Variants in GRID2 observed in about 807,000 individuals in gnomAD.
GRID2 encodes the protein glutamate receptor ionotropic, delta-2.
Under a neutral mutation model 114.8 loss-of-function variants are expected in GRID2, and 33 were observed. That is an observed-to-expected ratio of 0.29 (90% confidence interval 0.22 to 0.38). GRID2 has a LOEUF of 0.38. GRID2 is among the 10% of genes least tolerant of loss of function. GRID2 has a pLI of 1.00. For synonymous variants in GRID2, 505 were observed against 449.9 expected (o/e 1.12, Z -1.55); for missense variants, 1,184 against 1,257.7 (o/e 0.94, Z 0.89).
chr4:93,163,576 T>A (rs2149411622), intron 4 of GRID2, among the ~76,000 whole-genome samples: 1 of 150,000 alleles, frequency 6.7e-6, no homozygotes, highest in South Asian at 2.1e-4. Flanking sequence ...TTTTTTTTTT[T>A]AATAACAAGA....
chr4:93,276,092 A>G (rs892546622), intron 8 of GRID2, among the ~76,000 whole-genome samples: 2 of 151,938 alleles, frequency 1.3e-5, no homozygotes, highest in African/African-American at 4.8e-5. Context: ...TAGCTCTTAC[A>G]TTTAGGTCTA....
In GRID2 at chr4:92,586,839, GAC is replaced by G. The variant is rs551012115; in HGVS notation, c.89-3290_89-3289del. 3.2e-4 allele frequency among the ~76,000 whole-genome samples: 48 copies of G among 151,956 alleles called. No homozygotes were observed. In the South Asian group the frequency reaches 9.6e-3, roughly 30 times the overall value. On this transcript the variant is annotated intron_variant, in intron 1 of 15. Transcript: ENST00000282020. Reference sequence around the variant, plus strand: ...TTAATATTTTTCTAAGATATAAGAAGACATGTAAACATGATATAGTTTTCATT... The same window carrying G: ...TTAATATTTTTCTAAGATATAAGAAGATGTAAACATGATATAGTTTTCATT...
At chr4:93,730,162 A>T (rs557587515) in intron 14 of GRID2, among the ~76,000 whole-genome samples, 1 of 152,332 alleles carries the variant, frequency 6.6e-6, no homozygotes, top group African/African-American at 2.4e-5. Flanking sequence ...GGCAATAAAG[A>T]TTGAAGAGTC....
intron 14 of GRID2, among the ~76,000 whole-genome samples, chr4:93,716,940 G>C (rs1371426209): frequency 6.6e-6 from 1 of 151,970 alleles, no homozygotes; most frequent in Admixed American, 6.6e-5. Context: ...GGTCAAAATA[G>C]AGCTGGAATT....
At chr4:92,672,803 T>G (rs1733140808) in intron 2 of GRID2, among the ~76,000 whole-genome samples, 1 of 152,142 alleles carries the variant, frequency 6.6e-6, no homozygotes, top group African/African-American at 2.4e-5. Context: ...CCTTAAATAT[T>G]TATTGTTTCT....
intron 8 of GRID2, among the ~76,000 whole-genome samples, chr4:93,392,462 A>G (rs932708665): frequency 6.6e-5 from 10 of 152,150 alleles, no homozygotes; most frequent in Non-Finnish European, 1.3e-4. Flanking sequence ...TACAAATTCA[A>G]TTTGAATCTA....
intron 8 of GRID2, among the ~76,000 whole-genome samples, chr4:93,257,870 G>A (rs777429332): frequency 4.0e-5 from 6 of 150,566 alleles, no homozygotes; most frequent in Non-Finnish European, 8.9e-5. Context: ...TTTATTCACT[G>A]CTTATTGCTG....
chr4:92,934,052 A>C (rs1389545053), intron 2 of GRID2, among the ~76,000 whole-genome samples: 1 of 151,810 alleles, frequency 6.6e-6, no homozygotes, highest in Non-Finnish European at 1.5e-5. Context: ...TCTCTAAAGA[A>C]TGAGTAGATT....
At chr4:92,320,454 T>A (rs982546926) in intron 1 of GRID2, among the ~76,000 whole-genome samples, 3 of 152,132 alleles carry the variant, frequency 2.0e-5, no homozygotes, top group Non-Finnish European at 4.4e-5. Context: ...TTAGAATTAA[T>A]TTCGAATAAT....
At chr4:92,336,953 T>G (rs1305698396) in intron 1 of GRID2, among the ~76,000 whole-genome samples, 1 of 98,938 alleles carries the variant, frequency 1.0e-5, no homozygotes, top group Non-Finnish European at 1.9e-5. Context: ...CTTTCGTTGT[T>G]GTTTTTTTTT....
chr4:93,737,679 C>T (rs1457010547), intron 14 of GRID2, among the ~76,000 whole-genome samples: 3 of 152,024 alleles, frequency 2.0e-5, no homozygotes, highest in Non-Finnish European at 4.4e-5. Context: ...CACTTGTTTC[C>T]CACATTGACC....
At chr4:93,573,908 A>G (rs1324013314) in intron 13 of GRID2, among the ~76,000 whole-genome samples, 1 of 152,166 alleles carries the variant, frequency 6.6e-6, no homozygotes, top group Non-Finnish European at 1.5e-5. Context: ...AGCTAAACTT[A>G]GATTCCTGAG....
chr4:92,850,199 C>T (rs1378273688), intron 2 of GRID2, among the ~76,000 whole-genome samples: 1 of 149,542 alleles, frequency 6.7e-6, no homozygotes. Flanking sequence ...TAGATAAATA[C>T]AATATATAAT....
intron 4 of GRID2, among the ~76,000 whole-genome samples, chr4:93,195,348 C>A (rs1157078010): frequency 1.3e-5 from 2 of 152,050 alleles, no homozygotes; most frequent in East Asian, 1.9e-4. Context: ...CAACTGTGGG[C>A]AAATAGGTCT....
intron 14 of GRID2, among the ~76,000 whole-genome samples, chr4:93,743,564 G>A (rs78933408): frequency 0.012 from 1,796 of 152,314 alleles, 22 homozygotes; most frequent in East Asian, 0.06. Context: ...TCCTCTCATG[G>A]TGGAAGGTGA....
intron 8 of GRID2, among the ~76,000 whole-genome samples, chr4:93,243,103 T>C (rs1747734290): frequency 6.6e-6 from 1 of 152,026 alleles, no homozygotes; most frequent in Non-Finnish European, 1.5e-5. Context: ...CTTTGACACT[T>C]GAAATTTTTT....
chr4:92,654,517 T>C (rs1346355094), intron 2 of GRID2, among the ~76,000 whole-genome samples: 1 of 152,050 alleles, frequency 6.6e-6, no homozygotes, highest in African/African-American at 2.4e-5. Flanking sequence ...AGGAGCAGTT[T>C]GAGCCAATTT....
intron 2 of GRID2, among the ~76,000 whole-genome samples, chr4:92,827,364 C>A (rs1741783021): frequency 6.9e-6 from 1 of 145,610 alleles, no homozygotes; most frequent in African/African-American, 2.5e-5. Context: ...CTTTGGAAAA[C>A]TCAATACTTT....
At chr4:93,000,565 A>C (rs1363316334) in intron 2 of GRID2, among the ~76,000 whole-genome samples, 1 of 151,696 alleles carries the variant, frequency 6.6e-6, no homozygotes, top group East Asian at 1.9e-4. Flanking sequence ...ATAAAAAATT[A>C]AAATGTTATT....
Sources: gnomAD v4.1 joint callset for allele counts (sites outside exome capture counted in the v4.1 genomes callset) on GRCh38, gnomAD v4.1.1 for gene constraint, MANE v1.5 for transcripts, NCBI Gene and HGNC (gene_info 2026-07-23, HGNC 2026-07-21) for gene names.